The following GRIK2 variants were observed in gnomAD, a reference collection of about 807,000 sequenced individuals.
GRIK2 encodes the protein glutamate receptor ionotropic, kainate 2.
GRIK2 carries 32 observed loss-of-function variants against 100.3 expected under a neutral mutation model. The observed-to-expected ratio is 0.32, with a 90% CI of 0.24 to 0.43. The LOEUF is 0.43. GRIK2 is among the 20% of genes least tolerant of loss of function. The pLI, the probability that GRIK2 is intolerant of heterozygous loss-of-function variation, is 1.00. For missense variants in GRIK2, 843 were observed against 1,114.9 expected (o/e 0.76, Z 3.47); for synonymous variants, 417 against 389.4 (o/e 1.07, Z -0.83).
At chr6:101,644,998 G>C (rs1366176132) in intron 4 of GRIK2, among the ~76,000 whole-genome samples, 1 of 151,596 alleles carries the variant, frequency 6.6e-6, no homozygotes, top group Non-Finnish European at 1.5e-5. Context: ...TAACTGTAAG[G>C]TGCAAAGCCA....
intron 14 of GRIK2, among the ~76,000 whole-genome samples, chr6:102,015,514 G>A (rs1795788842): frequency 1.3e-5 from 2 of 152,184 alleles, no homozygotes; most frequent in South Asian, 2.1e-4. Flanking sequence ...ACTGCTACGA[G>A]TACAGATGTG....
intron 14 of GRIK2, among the ~76,000 whole-genome samples, chr6:102,000,561 T>G (rs913157742): frequency 3.3e-5 from 5 of 152,150 alleles, no homozygotes; most frequent in Non-Finnish European, 5.9e-5. Context: ...CTGTTTTTCA[T>G]AACTACAGGA....
At chr6:101,605,819 C>T (rs992214525) in intron 2 of GRIK2, among the ~76,000 whole-genome samples, 1 of 151,898 alleles carries the variant, frequency 6.6e-6, no homozygotes, top group African/African-American at 2.4e-5. Context: ...TTTTTCTAAC[C>T]TTGAATAAAA....
At chr6:101,651,769 G>GATCT (rs1264273836) in intron 4 of GRIK2, among the ~76,000 whole-genome samples, 1 of 152,158 alleles carries the variant, frequency 6.6e-6, no homozygotes, top group African/African-American at 2.4e-5. Flanking sequence ...TCTCACTGGA[G>GATCT]ATCTGATGGA....
chr6:101,969,032 A>C (rs1185240908), intron 14 of GRIK2, among the ~76,000 whole-genome samples: 1 of 152,052 alleles, frequency 6.6e-6, no homozygotes, highest in Non-Finnish European at 1.5e-5. Context: ...AACACTATAT[A>C]AACATTTTGA....
chr6:102,017,064 ACAAG>A (rs1433810179), intron 14 of GRIK2, among the ~76,000 whole-genome samples: 1 of 152,152 alleles, frequency 6.6e-6, no homozygotes, highest in African/African-American at 2.4e-5. Flanking sequence ...TCCTTTCCAG[ACAAG>A]CAAGTTCTGA....
chr6:101,583,185 T>G (rs1315613209), intron 2 of GRIK2, among the ~76,000 whole-genome samples: 1 of 151,950 alleles, frequency 6.6e-6, no homozygotes, highest in African/African-American at 2.4e-5. Flanking sequence ...AAAGACTGAT[T>G]GAGGTGAGAA....
At chr6:101,817,755 CA>C (rs1781721541) in intron 9 of GRIK2, among the ~76,000 whole-genome samples, 1 of 152,188 alleles carries the variant, frequency 6.6e-6, no homozygotes, top group Non-Finnish European at 1.5e-5. Flanking sequence ...AAATGGATCA[CA>C]GAAGAAAGTA....
intron 7 of GRIK2, among the ~76,000 whole-genome samples, chr6:101,793,317 T>C (rs1449806755): frequency 6.9e-6 from 1 of 144,550 alleles, no homozygotes; most frequent in Non-Finnish European, 1.5e-5. Flanking sequence ...TTCTGCTCTG[T>C]TTTTTCCCCA....
chr6:101,616,715 A>T lies in GRIK2; in HGVS notation c.116-5234A>T, dbSNP rs1167133815. 2.6e-5 allele frequency among the ~76,000 whole-genome samples: 4 copies of T among 151,708 alleles called. No homozygotes were observed. In the East Asian group the frequency reaches 5.8e-4, roughly 22 times the overall value. On this transcript the variant is annotated intron_variant, in intron 2 of 16. Coordinates refer to ENST00000369134, the MANE Select transcript of GRIK2 (RefSeq NM_021956.5). ...GATATTTTTAAAGCTTGATAGATTT[A>T]AAAAAAGGACTTCAATAAAGTTTGT...
intron 14 of GRIK2, among the ~76,000 whole-genome samples, chr6:101,958,779 A>G (rs998254812): frequency 3.3e-5 from 5 of 152,044 alleles, no homozygotes; most frequent in African/African-American, 7.2e-5. Context: ...ATCTATTGAG[A>G]TGAGCATATG....
At chr6:101,705,325 G>A (rs1773192569) in intron 7 of GRIK2, among the ~76,000 whole-genome samples, 2 of 150,278 alleles carry the variant, frequency 1.3e-5, no homozygotes, top group African/African-American at 4.9e-5. Flanking sequence ...TAGCCTATTT[G>A]GTAGTTCCTT....
intron 12 of GRIK2, among the ~76,000 whole-genome samples, chr6:101,910,867 A>ACACACACACG (rs2128465490): frequency 6.6e-6 from 1 of 150,862 alleles, no homozygotes; most frequent in East Asian, 2.0e-4. Flanking sequence ...ACACACACAT[A>ACACACACACG]CACAAGCATT....
At chr6:101,496,782 C>T (rs1582580076) in intron 2 of GRIK2, among the ~76,000 whole-genome samples, 2 of 152,240 alleles carry the variant, frequency 1.3e-5, no homozygotes, top group East Asian at 3.9e-4. Context: ...TTATCCTGAG[C>T]TTGAAAGTCA....
intron 2 of GRIK2, among the ~76,000 whole-genome samples, chr6:101,552,186 T>G (rs1776544900): frequency 6.6e-6 from 1 of 152,118 alleles, no homozygotes; most frequent in Non-Finnish European, 1.5e-5. Flanking sequence ...ACAAATCAAC[T>G]CAGAAATTCC....
intron 2 of GRIK2, among the ~76,000 whole-genome samples, chr6:101,443,935 A>G (rs1316868952): frequency 6.7e-6 from 1 of 148,616 alleles, no homozygotes; most frequent in Non-Finnish European, 1.5e-5. Context: ...TCTCGGCTGG[A>G]GTGTAATGGC....
intron 7 of GRIK2, among the ~76,000 whole-genome samples, chr6:101,755,887 A>C (rs17062456): frequency 0.051 from 7,782 of 152,278 alleles, 235 homozygotes; most frequent in Middle Eastern, 0.1. Flanking sequence ...CAATTTTATG[A>C]AACATTATTA....
chr6:102,031,272 G>A (rs1187053390), intron 14 of GRIK2, among the ~76,000 whole-genome samples: 1 of 150,826 alleles, frequency 6.6e-6, no homozygotes, highest in East Asian at 2.0e-4. Context: ...ATGCAAATCT[G>A]ATTTCATCAT....
chr6:101,857,569 A>G (rs1482877301), intron 10 of GRIK2, among the ~76,000 whole-genome samples: 1 of 152,170 alleles, frequency 6.6e-6, no homozygotes. Context: ...GGGTTGGGGA[A>G]GAGGGTGAGC....
Sources: allele counts gnomAD v4.1 joint callset (sites outside exome capture counted in the v4.1 genomes callset), GRCh38; gene constraint gnomAD v4.1.1; transcripts MANE v1.5; gene names NCBI Gene and HGNC (gene_info 2026-07-23, HGNC 2026-07-21).